HJV: variants seen among roughly 807,000 people sequenced by gnomAD.
The protein encoded by HJV is hemojuvelin.
In HJV, 18 loss-of-function variants were observed where a neutral mutation model predicts 22.7. The ratio of observed to expected loss-of-function variants is 0.79; its 90% CI spans 0.55 to 1.18. The LOEUF (loss-of-function observed/expected upper bound fraction) is 1.18, where lower values mean the gene tolerates loss of function less well. HJV is among the 50% of genes most tolerant of loss of function. HJV has a pLI of 0.00. For missense variants in HJV, 572 were observed against 553.0 expected (o/e 1.03, Z -0.34); for synonymous variants, 229 against 222.7 (o/e 1.03, Z -0.25).
At position 146,020,211 on chromosome 1, in the gene HJV, G is replaced by T. The variant is rs1553769895; in HGVS notation, c.21C>A (p.Ser7=). 19 of 1,612,652 alleles carry T rather than the reference G, an allele frequency of 1.2e-5. No individual in the cohort carries two copies. The highest frequency in any genetic ancestry group is 1.6e-5 in the Non-Finnish European group (19 of 1,178,746). The change falls in exon 2 of 4, where the codon TCC becomes TCA. Residue 7 remains serine (S), a synonymous_variant. Transcript: ENST00000336751. MGEPGQ[S]PSPRSSHGSP... is the part of the protein sequence containing the mutation. ...TGCCATGGGAGGACCTGGGACTAGG[G>T]GACTGGCCTGGCTCCCCCATACCTA...
At chr1:146,020,533 G>C (rs1652666489) in intron 1 of HJV, among the ~76,000 whole-genome samples, 1 of 152,122 alleles carries the variant, frequency 6.6e-6, no homozygotes, top group Non-Finnish European at 1.5e-5. Flanking sequence ...CCTAGGTGGG[G>C]GTGGAGGGAA....
intron 3 of HJV, 47 bp downstream of exon 3, chr1:146,019,128 T>C: frequency 6.8e-7 from 1 of 1,469,894 alleles, no homozygotes; most frequent in Non-Finnish European, 9.5e-7. Flanking sequence ...ATGGTGCCCG[T>C]GGAAGAATCT....
chr1:146,017,479 GA>G lies in HJV; in HGVS notation c.*597del. On this transcript the variant is annotated 3_prime_UTR_variant, in exon 4 of 4. Coordinates refer to ENST00000336751, the MANE Select transcript of HJV (RefSeq NM_213653.4). Reference sequence around the variant, plus strand: ...CATAGGCAACAGAGGATGGTGTGAAGAATTTGTAGCTTTAATAACAGATTAG... The same window carrying G: ...CATAGGCAACAGAGGATGGTGTGAAGATTTGTAGCTTTAATAACAGATTAG... 1 of 171,106 alleles carries G rather than the reference GA, an allele frequency of 5.8e-6. No individual in the cohort carries two copies. The highest frequency in any genetic ancestry group is 1.4e-5 in the Non-Finnish European group (1 of 70,416). The allele number at this position is 171,106 out of a possible 1,614,324, so 10.6% of individuals were successfully genotyped here.
chr1:146,019,028 G>T, intron 3 of HJV, 147 bp downstream of exon 3: 1 of 815,094 alleles, frequency 1.2e-6, no homozygotes, highest in Non-Finnish European at 2.1e-6. Flanking sequence ...CCAGGTGTTT[G>T]GTAGAAGGGA....
Position 146,017,635 on chromosome 1 carries a change from C to T in HJV, c.*442G>A. 4.4e-6 allele frequency: 1 copy of T among 226,284 alleles called. No homozygotes were observed. The highest frequency in any genetic ancestry group is 9.6e-6 in the Non-Finnish European group (1 of 104,024). 14.0% of individuals were successfully genotyped at this position (226,284 alleles called of 1,614,324 possible). A position where few individuals can be genotyped will look rare whatever the true frequency, so the allele number is the denominator to read the frequency against. ...GAAAGCAGAACATACCTTACACACA[C>T]ATATTCATCAAATAGACTTCTTTCC... On this transcript the variant is annotated 3_prime_UTR_variant, in exon 4 of 4. Coordinates refer to ENST00000336751, the MANE Select transcript of HJV (RefSeq NM_213653.4).
In HJV at chr1:146,018,344, T is replaced by C. The variant is rs1553769424; in HGVS notation, c.1014A>G (p.Ile338Met). 6.2e-7 allele frequency: 1 copy of C among 1,614,166 alleles called. No individual in the cohort carries two copies. The highest frequency in any genetic ancestry group is 8.5e-7 in the Non-Finnish European group (1 of 1,180,030). Residue 338 changes from isoleucine to methionine, a missense_variant, in exon 4 of 4, where the codon ATA becomes ATG. Ile to Met is a conservative substitution (Grantham distance 10). Transcript: ENST00000336751. ...SRSERNRRGA[I>M]TIDTARRLCK... ...ACAGCCGTCTGGCAGTATCAATGGT[T>C]ATAGCTCCCCGACGATTGCGCTCTG... is the stretch of plus-strand genomic sequence containing the variant.
At chr1:146,018,755 A>T in intron 3 of HJV, 55 bp from the exon 4 acceptor site, 7 of 1,573,268 alleles carry the variant, frequency 4.4e-6, no homozygotes, top group Non-Finnish European at 6.1e-6. Flanking sequence ...TCTTCCCCCC[A>T]ATCAGACCTC....
At position 146,019,391 on chromosome 1, in the gene HJV, A is replaced by C; in HGVS notation, c.441T>G (p.Pro147=). The C allele has an allele frequency of 6.2e-7, 1 of 1,613,584 alleles. No homozygotes were observed. The highest frequency in any genetic ancestry group is 8.5e-7 in the Non-Finnish European group (1 of 1,179,952). ...GGGAAAACCGGCCTTCATAGTCACA[A>C]GGGTCCGGGGCAGGGAGGCCGGAGC... The part of the protein sequence containing the change: ...GAGSGLPAPD[P]CDYEGRFSRL... The change falls in exon 3 of 4, where the codon CCT becomes CCG. Residue 147 remains proline, a synonymous_variant. Transcript: ENST00000336751.
chr1:146,019,480 T>G lies in HJV; in HGVS notation c.352A>C (p.Asn118His), dbSNP rs782799181. 2 of 1,612,788 alleles carry G rather than the reference T, an allele frequency of 1.2e-6. No individual in the cohort carries two copies. Among genetic ancestry groups the G allele is most frequent in the Non-Finnish European group, 1.7e-6 (2 of 1,179,864 alleles). ...HGIEDLMIQH[N>H]CSRQGPTAPP... is the part of the protein sequence containing the mutation. ...GCTGTAGGGCCCTGGCGGGAGCAGT[T>G]GTGCTGGATCATCAGGTCTTCGATG... Residue 118 changes from asparagine to histidine, a missense_variant, in exon 3 of 4, where the codon AAC becomes CAC. By Grantham distance (68) the Asn-to-His change is moderately conservative (BLOSUM62 1). Transcript: ENST00000336751.
chr1:146,018,826 G>T, intron 3 of HJV, 126 bp from the exon 4 acceptor site: 1 of 1,015,822 alleles, frequency 9.8e-7, no homozygotes. Context: ...CTCAATCCTT[G>T]ATCCCTTCTC....
At chr1:146,020,474 C>A (rs1652660379) in intron 1 of HJV, 154 bp from the exon 2 acceptor site, 2 of 467,744 alleles carry the variant, frequency 4.3e-6, no homozygotes, top group South Asian at 4.1e-5. Context: ...GGCAGTTAAG[C>A]CTCTTTGCCC....
Position 146,020,115 on chromosome 1 carries a change from C to A in HJV, c.97+20G>T. On this transcript the variant is annotated intron_variant, in intron 2 of 3. Transcript: ENST00000336751. ...CCTACCCTCTAGATTTCCCCAAACC[C>A]TTCCCTGGCCCTTCCTTACCATGTC... The A allele has an allele frequency of 6.4e-7, 1 of 1,551,844 alleles. No individual in the cohort carries two copies. The highest frequency in any genetic ancestry group is 1.1e-5 in the South Asian group (1 of 89,804).
Position 146,020,284 on chromosome 1 carries a change from C to T in HJV, c.-53G>A. Reference sequence around the variant, plus strand: ...CGGTTCTTCCCAGCTGATGACCCTCCTACCTAGTGAATTTTGACCGGAAGC... The same window carrying T: ...CGGTTCTTCCCAGCTGATGACCCTCTTACCTAGTGAATTTTGACCGGAAGC... On this transcript the variant is annotated 5_prime_UTR_variant, in exon 2 of 4. It removes the in-frame stop codon of an upstream open reading frame in the 5' UTR. Transcript: ENST00000336751. 2 of 1,159,432 alleles carry T rather than the reference C, an allele frequency of 1.7e-6. No homozygotes were observed. Among genetic ancestry groups the T allele is most frequent in the Non-Finnish European group, 2.6e-6 (2 of 765,148 alleles). 71.8% of individuals were successfully genotyped at this position (1,159,432 alleles called of 1,614,324 possible). A position where few individuals can be genotyped will look rare whatever the true frequency, so the allele number is the denominator to read the frequency against.
Position 146,018,488 on chromosome 1 carries a change from T to G in HJV, c.870A>C (p.Thr290=). 6.2e-7 allele frequency: 1 copy of G among 1,614,222 alleles called. No individual in the cohort carries two copies. Among genetic ancestry groups the G allele is most frequent in the East Asian group, 2.2e-5 (1 of 44,876 alleles). Residue 290 remains threonine, a synonymous_variant, in exon 4 of 4, where the codon ACA becomes ACC. Coordinates refer to ENST00000336751, the MANE Select transcript of HJV (RefSeq NM_213653.4). ...YIGTTIIIRQ[T]AGQLSFSIKV... is the part of the protein sequence containing the mutation. ...TGATGGAGAAGGAGAGCTGCCCAGC[T>G]GTCTGCCGAATGATTATAGTTGTGC...
At position 146,017,488 on chromosome 1, in the gene HJV, G is replaced by T; in HGVS notation, c.*589C>A. The T allele has an allele frequency of 5.8e-6, 1 of 171,076 alleles. No individual in the cohort carries two copies. Among genetic ancestry groups the T allele is most frequent in the Non-Finnish European group, 1.4e-5 (1 of 70,444 alleles). The allele number at this position is 171,076 out of a possible 1,614,324, so 10.6% of individuals were successfully genotyped here. On this transcript the variant is annotated 3_prime_UTR_variant, in exon 4 of 4. Coordinates refer to ENST00000336751, the MANE Select transcript of HJV (RefSeq NM_213653.4). ...CAGAGGATGGTGTGAAGAATTTGTAGCTTTAATAACAGATTAGTTAGGGGG... is the reference window on the plus strand; with the variant it reads ...CAGAGGATGGTGTGAAGAATTTGTATCTTTAATAACAGATTAGTTAGGGGG...
rs782505820 is a variant in HJV, at chr1:146,018,060, T to C, written c.*17A>G. On this transcript the variant is annotated 3_prime_UTR_variant, in exon 4 of 4. Coordinates refer to ENST00000336751, the MANE Select transcript of HJV (RefSeq NM_213653.4). ...CTCCAAATCATTTCCAAACTAGTAA[T>C]GGGACTGATGGTCCCCTTACTGAAT... is the stretch of plus-strand genomic sequence containing the variant. The C allele has an allele frequency of 6.2e-7, 1 of 1,611,794 alleles. No individual in the cohort carries two copies. The highest frequency in any genetic ancestry group is 8.5e-7 in the Non-Finnish European group (1 of 1,178,158).
intron 1 of HJV, 138 bp from the exon 2 acceptor site, chr1:146,020,458 A>T: frequency 2.0e-6 from 1 of 499,044 alleles, no homozygotes; most frequent in South Asian, 2.0e-5. Flanking sequence ...CTCAAACTAT[A>T]AGTGTGGCAG....
At chr1:146,019,063 G>C in intron 3 of HJV, 112 bp downstream of exon 3, 1 of 949,324 alleles carries the variant, frequency 1.1e-6, no homozygotes, top group Non-Finnish European at 1.7e-6. Context: ...GGGAGAGGTT[G>C]AGGAAGAAAA....
In HJV at chr1:146,019,508, A is replaced by C. The variant is rs200128844; in HGVS notation, c.324T>G (p.His108Gln). The change falls in exon 3 of 4, where the codon CAT becomes CAG. Residue 108 changes from histidine to glutamine, a missense_variant. By Grantham distance (24) the His-to-Gln change is conservative. Transcript: ENST00000336751. ...RGDLAFHSAVHGIEDLMIQHN... is the reference protein window; with the variant it reads ...RGDLAFHSAVQGIEDLMIQHN... ...GCTGGATCATCAGGTCTTCGATGCC[A>C]TGTACCGCCGAATGGAAGGCGAGGT... 44 of 1,612,912 alleles carry C rather than the reference A, an allele frequency of 2.7e-5. No homozygotes were observed. Among genetic ancestry groups the C allele is most frequent in the Non-Finnish European group, 3.4e-5 (40 of 1,179,912 alleles).
Sources: allele counts gnomAD v4.1 joint callset (sites outside exome capture counted in the v4.1 genomes callset), GRCh38; gene constraint gnomAD v4.1.1; transcripts MANE v1.5; gene names NCBI Gene and HGNC (gene_info 2026-07-23, HGNC 2026-07-21).